The following KRT14 variants were observed in gnomAD, a reference collection of about 807,000 sequenced individuals.
The protein encoded by KRT14 is keratin 14, also known as keratin, type I cytoskeletal 14.
Under a neutral mutation model 44.5 loss-of-function variants are expected in KRT14, and 30 were observed. The ratio of observed to expected loss-of-function variants is 0.67; its 90% confidence interval spans 0.50 to 0.92. KRT14 has a LOEUF of 0.92. KRT14 is among the 40% of genes least tolerant of loss of function. The pLI is 0.00. For missense variants in KRT14, 535 were observed against 640.6 expected (o/e 0.84, Z 1.78); for synonymous variants, 241 against 257.6 (o/e 0.94, Z 0.62).
rs752374133 is a variant in KRT14 at position 41,586,463 on chromosome 17, G to T, written c.372C>A (p.Asp124Glu). Residue 124 changes from aspartate to glutamate, a missense_variant, in exon 1 of 8, where the codon GAC becomes GAA. By Grantham distance (45) the Asp-to-Glu change is conservative. Coordinates refer to ENST00000167586, the MANE Select transcript of KRT14 (RefSeq NM_000526.5). ...SEKVTMQNLN[D>E]RLASYLDKVR... is the part of the protein sequence containing the mutation. ...CCTTGTCCAGGTAGGAGGCCAGGCG[G>T]TCATTGAGGTTCTGCATGGTCACCT... 1.2e-6 allele frequency: 2 copies of T among 1,614,130 alleles called. No homozygotes were observed. Among genetic ancestry groups the T allele is most frequent in the Admixed American group, 3.3e-5 (2 of 60,024 alleles).
intron 4 of KRT14, 42 bp from the exon 5 acceptor site, chr17:41,583,718 A>G (rs372673327): frequency 2.1e-4 from 340 of 1,614,136 alleles, no homozygotes; most frequent in Non-Finnish European, 2.8e-4. Flanking sequence ...AGGCCCCAGA[A>G]GGCAGGTGGT....
chr17:41,586,247 G>C (rs527319067), intron 1 of KRT14, 63 bp downstream of exon 1: 1 of 1,599,924 alleles, frequency 6.3e-7, no homozygotes, highest in Non-Finnish European at 8.6e-7. Context: ...CAGGGGCCTG[G>C]GGCATGAATT....
At chr17:41,585,968 G>A (rs1243953463) in intron 1 of KRT14, among the ~76,000 whole-genome samples, 1 of 152,256 alleles carries the variant, frequency 6.6e-6, no homozygotes, top group East Asian at 1.9e-4. Flanking sequence ...CTGGAAGGTA[G>A]GGCACAAGGG....
chr17:41,584,069 CTTTTTTTTTTT>C (rs61300844), intron 3 of KRT14, 148 bp from the exon 4 acceptor site: 32 of 304,744 alleles, frequency 1.1e-4, no homozygotes, highest in East Asian at 9.4e-4. Flanking sequence ...CTCTCTCTCT[CTTTTTTTTTTT>C]TTTTTTTTTT....
chr17:41,582,805 A>G (rs1045806641), intron 7 of KRT14: 9 of 599,778 alleles, frequency 1.5e-5, no homozygotes, highest in African/African-American at 9.3e-5. Flanking sequence ...TATTCACCCA[A>G]TGGAGTGGTC....
rs60831116 is a variant in KRT14 at position 41,586,781 on chromosome 17, G to A, written c.54C>T (p.Cys18=). The A allele has an allele frequency of 1.5e-4, 238 of 1,588,062 alleles. 1 individual carries two copies. In the African/African-American group the frequency reaches 1.6e-3, roughly 11 times the overall value. The change falls in exon 1 of 8, where the codon TGC becomes TGT. Residue 18 remains cysteine, a synonymous_variant. Coordinates refer to ENST00000167586, the MANE Select transcript of KRT14 (RefSeq NM_000526.5). Reference sequence around the variant, plus strand: ...CGCCCCCGATGCCGCCCCCGATGCCGCAGGAGCCCTTCATGGAGCTGGAGG... The same window carrying A: ...CGCCCCCGATGCCGCCCCCGATGCCACAGGAGCCCTTCATGGAGCTGGAGG... ...FTSSSSMKGS[C]GIGGGIGGGS...
Position 41,584,403 on chromosome 17 carries a change from C to CT in KRT14, c.618dup (p.Glu207ArgfsTer28). 6.2e-7 allele frequency: 1 copy of CT among 1,614,102 alleles called. No homozygotes were observed. The highest frequency in any genetic ancestry group is 2.2e-5 in the East Asian group (1 of 44,882). On this transcript the variant is annotated frameshift_variant, in exon 3 of 8. Coordinates refer to ENST00000167586, the MANE Select transcript of KRT14 (RefSeq NM_000526.5). LOFTEE classifies it high-confidence loss of function. The stretch of plus-strand genomic sequence containing the variant: ...TCCACACTCATGCGCAGGTTCAACT[C>CT]TGTCTCATACCTGGAATGACCCCAG...
At chr17:41,585,405 T>C (rs900910808) in intron 1 of KRT14, among the ~76,000 whole-genome samples, 3 of 152,184 alleles carry the variant, frequency 2.0e-5, no homozygotes, top group Admixed American at 6.5e-5. Flanking sequence ...CTAGCCCTCC[T>C]TCCTGAGCTG....
At chr17:41,583,975 G>A (rs1460338724) in intron 3 of KRT14, 54 bp from the exon 4 acceptor site, 2 of 1,601,620 alleles carry the variant, frequency 1.2e-6, no homozygotes, top group Admixed American at 1.7e-5. Flanking sequence ...CAGCGGATTG[G>A]TGTTCCTTAG....
rs758937529 is a variant in KRT14, at chr17:41,583,170, A to G, written c.1275-30T>C. The G allele has an allele frequency of 2.0e-5, 33 of 1,612,354 alleles. No homozygotes were observed. In the Middle Eastern group the frequency reaches 1.0e-3, roughly 50 times the overall value. On this transcript the variant is annotated intron_variant, in intron 6 of 7. Transcript: ENST00000167586. ...GAAAATAGAAAAGGACAGGATCATTAGATACATGGTGGGGCCGTGAGAGTG... is the reference window on the plus strand; with the variant it reads ...GAAAATAGAAAAGGACAGGATCATTGGATACATGGTGGGGCCGTGAGAGTG...
At chr17:41,585,282 TC>T (rs1238104337) in intron 1 of KRT14, among the ~76,000 whole-genome samples, 1 of 152,144 alleles carries the variant, frequency 6.6e-6, no homozygotes, top group Non-Finnish European at 1.5e-5. Flanking sequence ...GGGCTTAGAA[TC>T]GAAAGCCCAG....
At chr17:41,582,657 G>T (rs747416992) in intron 7 of KRT14, 125 bp from the exon 8 acceptor site, 1 of 757,668 alleles carries the variant, frequency 1.3e-6, no homozygotes, top group East Asian at 2.7e-5. Context: ...CCTGATTACT[G>T]CTTCACTCCC....
At chr17:41,586,269 G>A in intron 1 of KRT14, 41 bp downstream of exon 1, 8 of 1,611,226 alleles carry the variant, frequency 5.0e-6, no homozygotes, top group African/African-American at 1.3e-5. Context: ...TTCCCAGAAG[G>A]AGCTAGCTGG....
chr17:41,583,260 G>A lies in KRT14; in HGVS notation c.1249C>T (p.Arg417Cys), dbSNP rs372767001. The A allele has an allele frequency of 9.2e-5, 148 of 1,613,402 alleles. No homozygotes were observed. Among genetic ancestry groups the A allele is most frequent in the East Asian group, 2.2e-4 (10 of 44,870 alleles). The change falls in exon 6 of 8, where the codon CGC becomes TGC. Residue 417 changes from arginine to cysteine, a missense_variant. Transcript: ENST00000167586. ...RLEQEIATYR[R>C]LLEGEDAHLS... ...TGGGCGTCCTCGCCCTCCAGCAGGC[G>A]GCGGTAGGTGGCGATCTCCTGCTCC...
Position 41,583,107 on chromosome 17 carries a change from C to G in KRT14, c.1308G>C (p.Gln436His). The change falls in exon 7 of 8, where the codon CAG becomes CAC. Residue 436 changes from glutamine (Q) to histidine (H), a missense_variant. Coordinates refer to ENST00000167586, the MANE Select transcript of KRT14 (RefSeq NM_000526.5). The stretch of plus-strand genomic sequence containing the variant: ...GGAGGGTCTTACCATCTCTGGATGA[C>G]TGCGATCCAGAGGAGAACTGGGAGG... ...LSSSQFSSGSQSSRDVTSSSR... is the reference protein window; with the variant it reads ...LSSSQFSSGSHSSRDVTSSSR... The G allele has an allele frequency of 6.2e-7, 1 of 1,613,088 alleles. No individual in the cohort carries two copies. Among genetic ancestry groups the G allele is most frequent in the South Asian group, 1.1e-5 (1 of 91,036 alleles).
At chr17:41,583,204 G>C (rs1375994400) in intron 6 of KRT14, 31 bp downstream of exon 6, 22 of 1,613,054 alleles carry the variant, frequency 1.4e-5, no homozygotes, top group Non-Finnish European at 1.9e-5. Context: ...TGCCATGGGG[G>C]GGGCGGACTA....
In KRT14 at chr17:41,586,639, C is replaced by A. The variant is rs749619996; in HGVS notation, c.196G>T (p.Gly66Trp). 6.2e-7 allele frequency: 1 copy of A among 1,608,152 alleles called. No individual in the cohort carries two copies. Among genetic ancestry groups the A allele is most frequent in the South Asian group, 1.1e-5 (1 of 90,744 alleles). ...RFSSGGACGL[G>W]GGYGGGFSSS... ...CTGAAGCCACCGCCATAGCCGCCCC[C>A]CAGCCCGCAGGCTCCCCCAGAGGAG... The change falls in exon 1 of 8, where the codon GGG (glycine) becomes TGG (tryptophan). Residue 66 changes from glycine (G) to tryptophan (W), a missense_variant. Gly to Trp is a radical substitution (Grantham distance 184). Transcript: ENST00000167586.
rs1251599490 is a variant in KRT14 at position 41,584,392 on chromosome 17, C to G, written c.630G>C (p.Leu210=). The G allele has an allele frequency of 6.2e-7, 1 of 1,614,088 alleles. No homozygotes were observed. The highest frequency in any genetic ancestry group is 8.5e-7 in the Non-Finnish European group (1 of 1,180,024). The change falls in exon 3 of 8, where the codon CTG becomes CTC. Residue 210 remains leucine, a synonymous_variant. Transcript: ENST00000167586. ...TGATGTCGGCTTCCACACTCATGCG[C>G]AGGTTCAACTCTGTCTCATACCTGG... The part of the protein sequence containing the change: ...FRTKYETELN[L]RMSVEADING...
chr17:41,584,217 C>T, intron 3 of KRT14, 40 bp downstream of exon 3: 2 of 1,610,438 alleles, frequency 1.2e-6, no homozygotes, highest in South Asian at 1.1e-5. Context: ...CCCAGCCTCC[C>T]TGCATTTCTT....
Sources: allele counts gnomAD v4.1 joint callset (sites outside exome capture counted in the v4.1 genomes callset), GRCh38; gene constraint gnomAD v4.1.1; transcripts MANE v1.5; gene names NCBI Gene and HGNC (gene_info 2026-07-23, HGNC 2026-07-21).